Variants in ZNF407 observed in about 807,000 individuals in gnomAD.
ZNF407 encodes zinc finger protein 407.
Under a neutral mutation model 131.2 loss-of-function variants are expected in ZNF407, and 17 were observed. That is an observed-to-expected ratio of 0.13 (90% CI 0.09 to 0.19). ZNF407 has a LOEUF of 0.19. Ranked by LOEUF, ZNF407 falls within the 10% of genes least tolerant of loss-of-function variation. The pLI, the probability that ZNF407 is intolerant of heterozygous loss-of-function variation, is 1.00. For synonymous variants in ZNF407, 1,156 were observed against 1,062.0 expected (o/e 1.09, Z -1.72); for missense variants, 2,681 against 2,830.6 (o/e 0.95, Z 1.20).
At chr18:74,713,500 T>G (rs1466038632) in intron 3 of ZNF407, among the ~76,000 whole-genome samples, 1 of 151,988 alleles carries the variant, frequency 6.6e-6, no homozygotes, top group Non-Finnish European at 1.5e-5. Flanking sequence ...AAATAATTAT[T>G]TCTTAGATAT....
At chr18:74,913,931 T>C (rs1971709774) in intron 7 of ZNF407, among the ~76,000 whole-genome samples, 1 of 152,184 alleles carries the variant, frequency 6.6e-6, no homozygotes, top group Non-Finnish European at 1.5e-5. Context: ...TCTTTTATTA[T>C]GTGTTTTTTA....
chr18:74,856,658 C>G (rs192469983), intron 4 of ZNF407, among the ~76,000 whole-genome samples: 1 of 152,252 alleles, frequency 6.6e-6, no homozygotes, highest in East Asian at 1.9e-4. Context: ...CTCCAAAACA[C>G]AGAGGAGCAT....
At chr18:75,001,294 A>G (rs779901649) in intron 8 of ZNF407, among the ~76,000 whole-genome samples, 2 of 152,254 alleles carry the variant, frequency 1.3e-5, no homozygotes, top group Non-Finnish European at 2.9e-5. Flanking sequence ...TATTATAAAT[A>G]GAATGATATC....
chr18:75,025,309 G>A (rs369219049), intron 8 of ZNF407, among the ~76,000 whole-genome samples: 2 of 152,270 alleles, frequency 1.3e-5, no homozygotes, highest in East Asian at 3.9e-4. Flanking sequence ...TAAAACCACA[G>A]TCTGTTGGAG....
At chr18:74,949,718 G>A (rs1972192283) in intron 8 of ZNF407, among the ~76,000 whole-genome samples, 1 of 149,738 alleles carries the variant, frequency 6.7e-6, no homozygotes, top group African/African-American at 2.6e-5. Flanking sequence ...ACAGGAGATT[G>A]GGGGTGCTTC....
At chr18:74,647,086 G>T (rs1191065936) in intron 3 of ZNF407, among the ~76,000 whole-genome samples, 2 of 152,038 alleles carry the variant, frequency 1.3e-5, no homozygotes, top group African/African-American at 4.8e-5. Context: ...ATGTTCTAGT[G>T]ACTTAACTCG....
intron 2 of ZNF407, among the ~76,000 whole-genome samples, chr18:74,637,882 G>T (rs1984530110): frequency 6.6e-6 from 1 of 152,092 alleles, no homozygotes; most frequent in Non-Finnish European, 1.5e-5. Context: ...AATGAGTTTT[G>T]GTTATCAAGC....
Position 74,763,196 on chromosome 18 carries a change from C to CTTTTTTTTTTTTTTTTTTTTTTT in ZNF407, c.4803-18227_4803-18205dup, listed in dbSNP as rs71170316. Among the ~76,000 whole-genome samples, 9 of 17,784 alleles carry CTTTTTTTTTTTTTTTTTTTTTTT rather than the reference C, an allele frequency of 5.1e-4. 3 individuals carry two copies. Among genetic ancestry groups the CTTTTTTTTTTTTTTTTTTTTTTT allele is most frequent in the Non-Finnish European group, 8.3e-4 (7 of 8,418 alleles). 11.7% of individuals were successfully genotyped at this position (17,784 alleles called of 152,430 possible). A position where few individuals can be genotyped will look rare whatever the true frequency, so the allele number is the denominator to read the frequency against. ...ATGATTTTGAGCATCTTCTTAGGAC[C>CTTTTTTTTTTTTTTTTTTTTTTT]TTTTTTTTTTTTTTTTTTTTTTTTT... On this transcript the variant is annotated intron_variant, in intron 3 of 8. Transcript: ENST00000299687.
At chr18:74,802,474 A>T (rs1970036224) in intron 4 of ZNF407, among the ~76,000 whole-genome samples, 1 of 152,190 alleles carries the variant, frequency 6.6e-6, no homozygotes, top group Non-Finnish European at 1.5e-5. Flanking sequence ...CACAACCGAC[A>T]ATGTGTGGTA....
At chr18:74,806,573 CA>C (rs1345645752) in intron 4 of ZNF407, among the ~76,000 whole-genome samples, 1 of 152,050 alleles carries the variant, frequency 6.6e-6, no homozygotes, top group Non-Finnish European at 1.5e-5. Context: ...GAGGATCAAA[CA>C]AGATGATAAA....
chr18:74,981,012 T>C (rs1351032211), intron 8 of ZNF407, among the ~76,000 whole-genome samples: 1 of 152,172 alleles, frequency 6.6e-6, no homozygotes, highest in African/African-American at 2.4e-5. Flanking sequence ...CATCAAGATT[T>C]TGGTGTCAGG....
At chr18:74,770,185 G>A (rs1165661855) in intron 3 of ZNF407, among the ~76,000 whole-genome samples, 2 of 152,174 alleles carry the variant, frequency 1.3e-5, no homozygotes, top group African/African-American at 4.8e-5. Flanking sequence ...AGGATCAGTT[G>A]AGTCTAGTAG....
At chr18:74,747,231 A>G (rs1186006505) in intron 3 of ZNF407, among the ~76,000 whole-genome samples, 1 of 152,148 alleles carries the variant, frequency 6.6e-6, no homozygotes, top group Non-Finnish European at 1.5e-5. Context: ...TATCATTAAC[A>G]ATTAAGTATT....
chr18:74,924,849 C>T (rs1268431899), intron 8 of ZNF407, among the ~76,000 whole-genome samples: 1 of 152,088 alleles, frequency 6.6e-6, no homozygotes, highest in Non-Finnish European at 1.5e-5. Flanking sequence ...ATAGTTATGC[C>T]TTACGGCTCA....
At chr18:74,906,669 A>G (rs578044855) in intron 7 of ZNF407, among the ~76,000 whole-genome samples, 5 of 152,310 alleles carry the variant, frequency 3.3e-5, no homozygotes, top group African/African-American at 1.2e-4. Context: ...TTACATCTCT[A>G]TATGTATAAA....
intron 4 of ZNF407, among the ~76,000 whole-genome samples, chr18:74,824,080 A>G (rs1365681702): frequency 1.3e-5 from 2 of 152,226 alleles, no homozygotes; most frequent in African/African-American, 2.4e-5. Context: ...ACACAACTAC[A>G]TGGAAACTGA....
intron 8 of ZNF407, among the ~76,000 whole-genome samples, chr18:75,032,134 T>G (rs1405052351): frequency 1.3e-5 from 2 of 151,684 alleles, no homozygotes; most frequent in African/African-American, 4.8e-5. Flanking sequence ...CACTGAGGGG[T>G]TGGTTTTCTT....
Position 74,634,799 on chromosome 18 carries a change from T to C in ZNF407, c.3780T>C (p.Ala1260=). The C allele has an allele frequency of 3.1e-6, 5 of 1,613,990 alleles. No individual in the cohort carries two copies. The South Asian group carries it at 4.4e-5, about 14-fold the overall frequency. Residue 1260 remains alanine (A), a synonymous_variant, in exon 2 of 9, where the codon GCT becomes GCC. Transcript: ENST00000299687. The part of the protein sequence containing the change: ...CPVTLDGERS[A]ESPVLVVTRI... Reference sequence around the variant, plus strand: ...TGACGCTCGATGGGGAGCGCTCGGCTGAAAGCCCTGTGCTCGTTGTGACAA... The same window carrying C: ...TGACGCTCGATGGGGAGCGCTCGGCCGAAAGCCCTGTGCTCGTTGTGACAA...
chr18:74,798,199 C>T (rs955795503), intron 4 of ZNF407, among the ~76,000 whole-genome samples: 2 of 103,810 alleles, frequency 1.9e-5, no homozygotes, highest in Non-Finnish European at 3.7e-5. Context: ...TTTCTTTCTT[C>T]CTTTACACAA....
Sources: gnomAD v4.1 joint callset for allele counts (sites outside exome capture counted in the v4.1 genomes callset) on GRCh38, gnomAD v4.1.1 for gene constraint, MANE v1.5 for transcripts, NCBI Gene and HGNC (gene_info 2026-07-23, HGNC 2026-07-21) for gene names.